The following DNAJC27 variants were observed in gnomAD, a reference collection of about 807,000 sequenced individuals.
The protein encoded by DNAJC27 is DnaJ heat shock protein family (Hsp40) member C27, also known as dnaJ homolog subfamily C member 27.
In DNAJC27, 25 loss-of-function variants were observed where a neutral mutation model predicts 31.4. That is an observed-to-expected ratio of 0.80 (90% CI 0.58 to 1.11). DNAJC27 has a LOEUF of 1.11. Ranked by LOEUF, DNAJC27 falls within the 50% of genes most tolerant of loss-of-function variation. The pLI is 0.00. For missense variants in DNAJC27, 356 were observed against 347.3 expected, an observed-to-expected ratio of 1.02 and a Z score of -0.20; for synonymous variants, 106 against 112.7, an observed-to-expected ratio of 0.94 and a Z score of 0.37.
intron 6 of DNAJC27, among the ~76,000 whole-genome samples, chr2:24,948,408 CAGG>C (rs1037578241): frequency 1.2e-4 from 18 of 151,802 alleles, no homozygotes; most frequent in Non-Finnish European, 2.2e-4. Context: ...GCTGAATATC[CAGG>C]AGGAGAAGAT....
intron 5 of DNAJC27, among the ~76,000 whole-genome samples, chr2:24,954,382 C>A (rs1665854577): frequency 6.6e-6 from 1 of 152,168 alleles, no homozygotes; most frequent in South Asian, 2.1e-4. Flanking sequence ...TCTACTGAGG[C>A]ACCACAGAAA....
At chr2:24,949,410 T>A (rs1309949034) in intron 6 of DNAJC27, among the ~76,000 whole-genome samples, 1 of 152,180 alleles carries the variant, frequency 6.6e-6, no homozygotes, top group Non-Finnish European at 1.5e-5. Flanking sequence ...TCCTCTGCAC[T>A]AAGAGTGCCT....
intron 3 of DNAJC27, among the ~76,000 whole-genome samples, chr2:24,962,868 C>T (rs545539833): frequency 6.6e-6 from 1 of 152,086 alleles, no homozygotes; most frequent in East Asian, 1.9e-4. Flanking sequence ...GAGCAAAAAA[C>T]CTCCTTAAGA....
chr2:24,956,213 A>G (rs1193553344), intron 5 of DNAJC27, among the ~76,000 whole-genome samples: 1 of 152,242 alleles, frequency 6.6e-6, no homozygotes, highest in Non-Finnish European at 1.5e-5. Context: ...TTTATAGTGT[A>G]ACTACTTTAT....
upstream of DNAJC27, chr2:24,972,035 C>T (rs898345302): frequency 6.0e-6 from 4 of 666,922 alleles, no homozygotes; most frequent in Non-Finnish European, 9.2e-6. Flanking sequence ...TCGCCATCCC[C>T]GCCGCTGCCT....
intron 6 of DNAJC27, among the ~76,000 whole-genome samples, chr2:24,949,278 C>T (rs1259840697): frequency 2.0e-5 from 3 of 152,154 alleles, no homozygotes; most frequent in Admixed American, 6.6e-5. Flanking sequence ...CCAAAGACCC[C>T]GTGTCCTTGA....
At position 24,957,934 on chromosome 2, in the gene DNAJC27, A is replaced by T. The variant is rs1665947601; in HGVS notation, c.281T>A (p.Leu94Gln). The T allele has an allele frequency of 6.2e-7, 1 of 1,614,024 alleles. No individual in the cohort carries two copies. Among genetic ancestry groups the T allele is most frequent in the African/African-American group, 1.3e-5 (1 of 74,930 alleles). ...EFYKDTQGVI[L>Q]VYDVGQKDSF... ...GTCTTTCTGCCCAACATCATAGACC[A>T]GTATCACACCCTGTGTGTCCTTGTA... is the stretch of plus-strand genomic sequence containing the variant. Residue 94 changes from leucine to glutamine, a missense_variant, in exon 4 of 7, where the codon CTG becomes CAG. Leu to Gln is a moderately radical substitution (Grantham distance 113). Coordinates refer to ENST00000264711, the MANE Select transcript of DNAJC27 (RefSeq NM_016544.3).
intron 1 of DNAJC27, chr2:24,971,595 A>G: frequency 2.1e-6 from 1 of 470,200 alleles, no homozygotes; most frequent in Non-Finnish European, 3.8e-6. Context: ...GCCACCCCAG[A>G]CACCATCTCC....
In DNAJC27 at chr2:24,971,854, G is replaced by C; in HGVS notation, c.51C>G (p.Ile17Met). 1 of 1,609,458 alleles carries C rather than the reference G, an allele frequency of 6.2e-7. No homozygotes were observed. Among genetic ancestry groups the C allele is most frequent in the South Asian group, 1.1e-5 (1 of 90,338 alleles). ...CGGCGTTGCCCATGGAGATGACTTTGATGCGGAGAGACCTGCCGGGCTCCT... is the reference window on the plus strand; with the variant it reads ...CGGCGTTGCCCATGGAGATGACTTTCATGCGGAGAGACCTGCCGGGCTCCT... ...KRKEPGRSLR[I>M]KVISMGNAEV... Residue 17 changes from isoleucine (I) to methionine (M), a missense_variant, in exon 1 of 7, where the codon ATC (isoleucine) becomes ATG (methionine). By Grantham distance (10) the Ile-to-Met change is conservative. Transcript: ENST00000264711.
At chr2:24,954,114 T>C (rs145707738) in intron 5 of DNAJC27, among the ~76,000 whole-genome samples, 188 of 152,170 alleles carry the variant, frequency 1.2e-3, no homozygotes, top group African/African-American at 4.2e-3. Flanking sequence ...GAGCAGGCCA[T>C]TGGAGAGGAG....
chr2:24,954,997 A>G (rs1052452258), intron 5 of DNAJC27, among the ~76,000 whole-genome samples: 8 of 152,230 alleles, frequency 5.3e-5, no homozygotes, highest in Non-Finnish European at 1.0e-4. Context: ...AGTCTCTACA[A>G]TGTGTTATCC....
At chr2:24,947,771 A>G (rs750070168) in intron 6 of DNAJC27, 23 bp from the exon 7 acceptor site, 2 of 1,606,560 alleles carry the variant, frequency 1.2e-6, no homozygotes, top group Non-Finnish European at 1.7e-6. Context: ...GCCAAGATCT[A>G]TGTTAGTAAC....
At position 24,947,407 on chromosome 2, in the gene DNAJC27, T is replaced by G. The variant is rs950089084; in HGVS notation, c.*209A>C. 1.9e-6 allele frequency: 1 copy of G among 516,818 alleles called. No individual in the cohort carries two copies. Among genetic ancestry groups the G allele is most frequent in the African/African-American group, 1.9e-5 (1 of 53,284 alleles). The allele number at this position is 516,818 out of a possible 1,614,324, so 32.0% of individuals were successfully genotyped here. A position where few individuals can be genotyped will look rare whatever the true frequency, so the allele number is the denominator to read the frequency against. ...TAGAAATATGAAATGAAGTACAGGG[T>G]GTGACGCTCAGTTCACTTCATACAA... On this transcript the variant is annotated 3_prime_UTR_variant, in exon 7 of 7. Coordinates refer to ENST00000264711, the MANE Select transcript of DNAJC27 (RefSeq NM_016544.3).
chr2:24,951,470 G>C lies in DNAJC27; in HGVS notation c.613C>G (p.Gln205Glu). 1.2e-6 allele frequency: 2 copies of C among 1,613,840 alleles called. No individual in the cohort carries two copies. Among genetic ancestry groups the C allele is most frequent in the Non-Finnish European group, 1.7e-6 (2 of 1,179,876 alleles). ...TNSSASFTKEQADAIRRIRNS... is the reference protein window; with the variant it reads ...TNSSASFTKEEADAIRRIRNS... ...CGAATTCTGCGAATGGCATCTGCTT[G>C]TTCTTTGGTGAAACTAGCACTGCTA... is the stretch of plus-strand genomic sequence containing the variant. The change falls in exon 6 of 7, where the codon CAA becomes GAA. Residue 205 changes from glutamine (Q) to glutamate (E), a missense_variant. By Grantham distance (29) the Gln-to-Glu change is conservative (BLOSUM62 2). Coordinates refer to ENST00000264711, the MANE Select transcript of DNAJC27 (RefSeq NM_016544.3).
chr2:24,959,986 C>A (rs1469769823), intron 3 of DNAJC27, among the ~76,000 whole-genome samples: 1 of 152,200 alleles, frequency 6.6e-6, no homozygotes, highest in East Asian at 1.9e-4. Flanking sequence ...TGCAGGCACA[C>A]CTCACTTTAT....
Position 24,951,445 on chromosome 2 carries a change from C to T in DNAJC27, c.638G>A (p.Arg213Gln), listed in dbSNP as rs762651495. ...CATGTCCCAACTGTCTTTACTATTT[C>T]GAATTCTGCGAATGGCATCTGCTTG... ...KEQADAIRRIRNSKDSWDMLG... is the reference protein window; with the variant it reads ...KEQADAIRRIQNSKDSWDMLG... Residue 213 changes from arginine (R) to glutamine (Q), a missense_variant, in exon 6 of 7, where the codon CGA becomes CAA. Transcript: ENST00000264711. The T allele has an allele frequency of 5.0e-6, 8 of 1,613,732 alleles. No homozygotes were observed. The highest frequency in any genetic ancestry group is 2.2e-5 in the East Asian group (1 of 44,862).
intron 3 of DNAJC27, chr2:24,958,497 A>G: frequency 3.1e-6 from 1 of 321,208 alleles, no homozygotes; most frequent in South Asian, 2.8e-5. Flanking sequence ...ATACAATGGA[A>G]AAGAGCACAG....
rs112210846 is a variant in DNAJC27, at chr2:24,961,654, T to C, written c.240+1751A>G. ...ATTCCAACCCTTACAGATAACTCTG[T>C]GGGAGTTCAAGACATCAGTGGAGGA... On this transcript the variant is annotated intron_variant, in intron 3 of 6. Coordinates refer to ENST00000264711, the MANE Select transcript of DNAJC27 (RefSeq NM_016544.3). Among the ~76,000 whole-genome samples, 603 of 152,120 alleles carry C rather than the reference T, an allele frequency of 4.0e-3. 7 individuals are homozygous for C. Among genetic ancestry groups the C allele is most frequent in the African/African-American group, 0.013 (557 of 41,472 alleles).
chr2:24,952,351 C>T (rs1665796766), intron 5 of DNAJC27, among the ~76,000 whole-genome samples: 1 of 152,104 alleles, frequency 6.6e-6, no homozygotes, highest in African/African-American at 2.4e-5. Context: ...TCAGACTAAA[C>T]ACATCTTAGC....
Sources: allele counts gnomAD v4.1 joint callset (sites outside exome capture counted in the v4.1 genomes callset), GRCh38; gene constraint gnomAD v4.1.1; transcripts MANE v1.5; gene names NCBI Gene and HGNC (gene_info 2026-07-23, HGNC 2026-07-21).